PRR11: variants seen among roughly 807,000 people sequenced by gnomAD.
PRR11 encodes the protein proline rich 11, also known as proline-rich protein 11.
A neutral mutation model predicts 45.6 loss-of-function variants in PRR11; 30 were observed. The observed-to-expected ratio is 0.66, with a 90% CI of 0.49 to 0.89. PRR11 has a LOEUF of 0.89. PRR11 is among the 40% of genes least tolerant of loss of function. The probability of loss-of-function intolerance (pLI) is 0.00; values close to 1 mark genes in which losing one functional copy is unlikely to be tolerated. For synonymous variants in PRR11, 128 were observed against 153.5 expected (o/e 0.83, Z 1.23); for missense variants, 373 against 424.8 (o/e 0.88, Z 1.07).
rs16943372 is a variant in PRR11, at chr17:59,181,309, C to T, written c.129-3745C>T. Among the ~76,000 whole-genome samples, 1,327 of 151,776 alleles carry T rather than the reference C, an allele frequency of 8.7e-3. 60 individuals carry two copies. Among genetic ancestry groups the T allele is most frequent in the Admixed American group, 0.071 (1,084 of 15,260 alleles). On this transcript the variant is annotated intron_variant, in intron 2 of 9. Coordinates refer to ENST00000262293, the MANE Select transcript of PRR11 (RefSeq NM_018304.4). The stretch of plus-strand genomic sequence containing the variant: ...AGCCCAAAACCAAGCTTTCTTATCC[C>T]GAGAGCCAAACTTTATCAACTCCAG...
At chr17:59,189,008 G>A (rs1165211418) in intron 4 of PRR11, among the ~76,000 whole-genome samples, 1 of 150,718 alleles carries the variant, frequency 6.6e-6, no homozygotes, top group African/African-American at 2.4e-5. Flanking sequence ...GGTATATTCA[G>A]AACAGTGTTT....
At chr17:59,185,282 C>T in intron 3 of PRR11, 78 bp downstream of exon 3, 1 of 1,543,132 alleles carries the variant, frequency 6.5e-7, no homozygotes, top group Non-Finnish European at 8.8e-7. Context: ...GTGCTCAAGT[C>T]AGTCCAACCC....
intron 7 of PRR11, among the ~76,000 whole-genome samples, chr17:59,197,088 C>T (rs1266214841): frequency 1.3e-5 from 2 of 152,018 alleles, no homozygotes; most frequent in African/African-American, 4.8e-5. Flanking sequence ...ACCTCGTGAT[C>T]CATCTGCCTC....
chr17:59,180,495 TG>T (rs1311564013), intron 2 of PRR11, among the ~76,000 whole-genome samples: 3,218 of 133,732 alleles, frequency 0.024, 248 homozygotes, highest in African/African-American at 0.1. Context: ...GGCCCGTCCT[TG>T]TTTTTTTTTT....
chr17:59,204,391 G>C lies in PRR11; in HGVS notation c.*2760G>C, dbSNP rs1410310983. On this transcript the variant is annotated 3_prime_UTR_variant, in exon 10 of 10. Transcript: ENST00000262293. The stretch of plus-strand genomic sequence containing the variant: ...ATCCTGGGCAACAGAGCCAGACCCT[G>C]CCTCAAAAAAAAAAAAAAAAAAAAA... 9.8e-6 allele frequency: 1 copy of C among 101,760 alleles called. No individual in the cohort carries two copies. Among genetic ancestry groups the C allele is most frequent in the South Asian group, 3.6e-4 (1 of 2,814 alleles). The allele number at this position is 101,760 out of a possible 1,614,324, so 6.3% of individuals were successfully genotyped here. A position where few individuals can be genotyped will look rare whatever the true frequency, so the allele number is the denominator to read the frequency against.
chr17:59,172,738 C>T (rs998835160), intron 2 of PRR11, among the ~76,000 whole-genome samples: 1 of 152,246 alleles, frequency 6.6e-6, no homozygotes, highest in Non-Finnish European at 1.5e-5. Context: ...GATTTCTCGC[C>T]GGGCCTCAGC....
intron 5 of PRR11, 44 bp from the exon 6 acceptor site, chr17:59,194,713 G>A (rs2046856434): frequency 3.4e-6 from 5 of 1,467,882 alleles, no homozygotes; most frequent in South Asian, 1.2e-5. Context: ...TTCACCAGTT[G>A]TGCTGGTTCC....
intron 1 of PRR11, 127 bp from the exon 2 acceptor site, chr17:59,169,621 T>C: frequency 2.3e-6 from 2 of 881,506 alleles, no homozygotes; most frequent in Non-Finnish European, 3.3e-6. Flanking sequence ...GACCTATTTC[T>C]TAACCAAGAT....
intron 1 of PRR11, among the ~76,000 whole-genome samples, chr17:59,162,395 G>T (rs2147832592): frequency 6.6e-6 from 1 of 152,216 alleles, no homozygotes; most frequent in East Asian, 1.9e-4. Flanking sequence ...CAACAGGAAA[G>T]GACTAGAAAG....
intron 4 of PRR11, 25 bp downstream of exon 4, chr17:59,185,587 A>C: frequency 6.4e-7 from 1 of 1,570,026 alleles, no homozygotes; most frequent in Non-Finnish European, 8.6e-7. Context: ...ATAAAAAGCA[A>C]ATCTGGAATT....
At position 59,206,583 on chromosome 17, in the gene PRR11, G is replaced by A. The variant is rs1198317470; in HGVS notation, c.*4952G>A. On this transcript the variant is annotated 3_prime_UTR_variant, in exon 10 of 10. Transcript: ENST00000262293. ...AAGTGCTATGGCTTCCTTAAACTAC[G>A]ATTTATCATATGCTCCCAGTGTTTA... Among the ~76,000 whole-genome samples the A allele has an allele frequency of 1.3e-5, 2 of 152,116 alleles. No individual in the cohort carries two copies. The highest frequency in any genetic ancestry group is 2.9e-5 in the Non-Finnish European group (2 of 68,042).
chr17:59,201,547 C>T lies in PRR11; in HGVS notation c.1015-16C>T. ...AATATAATTGATATTATAATTGGGACTTTTTTTTTTTATAGCTGGCTCACC... is the reference window on the plus strand; with the variant it reads ...AATATAATTGATATTATAATTGGGATTTTTTTTTTTTATAGCTGGCTCACC... On this transcript the variant is annotated splice_polypyrimidine_tract_variant and intron_variant, in intron 9 of 9. Transcript: ENST00000262293. The T allele has an allele frequency of 8.3e-7, 1 of 1,209,016 alleles. No homozygotes were observed. The allele number at this position is 1,209,016 out of a possible 1,614,324, so 74.9% of individuals were successfully genotyped here.
intron 1 of PRR11, among the ~76,000 whole-genome samples, chr17:59,167,079 G>A (rs2046683611): frequency 6.6e-6 from 1 of 152,142 alleles, no homozygotes; most frequent in African/African-American, 2.4e-5. Context: ...CAGGAGAATG[G>A]CGTGAATCCA....
chr17:59,181,426 T>C (rs2046785968), intron 2 of PRR11: 7 of 935,242 alleles, frequency 7.5e-6, no homozygotes, highest in East Asian at 3.9e-5. Context: ...GGCATATTTT[T>C]CCCATTGGAA....
chr17:59,201,231 A>G (rs1443952845), intron 9 of PRR11, among the ~76,000 whole-genome samples: 1 of 152,140 alleles, frequency 6.6e-6, no homozygotes, highest in Non-Finnish European at 1.5e-5. Context: ...CACAACTATA[A>G]TACAGTGGCT....
intron 4 of PRR11, among the ~76,000 whole-genome samples, chr17:59,190,339 T>A (rs891377622): frequency 2.0e-5 from 3 of 151,866 alleles, no homozygotes; most frequent in African/African-American, 7.3e-5. Context: ...GGGCGTGTTG[T>A]CACACACCTG....
intron 1 of PRR11, among the ~76,000 whole-genome samples, chr17:59,158,162 A>AG (rs2046635117): frequency 6.6e-6 from 1 of 152,208 alleles, no homozygotes; most frequent in South Asian, 2.1e-4. Context: ...GAATCATTGA[A>AG]GGAACACTCA....
At position 59,177,518 on chromosome 17, in the gene PRR11, C is replaced by T. The variant is rs563753380; in HGVS notation, c.129-7536C>T. On this transcript the variant is annotated intron_variant, in intron 2 of 9. Coordinates refer to ENST00000262293, the MANE Select transcript of PRR11 (RefSeq NM_018304.4). ...GATCTTTGAAGGAGTGTGTCTAGGT[C>T]GGCTGGTATCAGGAGGGTCTTTTGT... is the stretch of plus-strand genomic sequence containing the variant. 2.1e-4 allele frequency among the ~76,000 whole-genome samples: 32 copies of T among 152,146 alleles called. No homozygotes were observed. The South Asian group carries it at 6.2e-3, about 30-fold the overall frequency.
intron 2 of PRR11, among the ~76,000 whole-genome samples, chr17:59,180,519 G>GTTTTTTTTTTTTTTTTTTTTTT (rs71300619): frequency 8.1e-6 from 1 of 122,928 alleles, no homozygotes; most frequent in African/African-American, 3.6e-5. Flanking sequence ...TGTTTTTTTT[G>GTTTTTTTTTTTTTTTTTTTTTT]TTTTTTTTGC....
Sources: gnomAD v4.1 joint callset for allele counts (sites outside exome capture counted in the v4.1 genomes callset) on GRCh38, gnomAD v4.1.1 for gene constraint, MANE v1.5 for transcripts, NCBI Gene and HGNC (gene_info 2026-07-23, HGNC 2026-07-21) for gene names.